Variants in WDPCP observed in about 807,000 individuals in gnomAD.
WDPCP encodes WD repeat containing planar cell polarity effector, also known as WD repeat-containing and planar cell polarity effector protein fritz homolog.
WDPCP carries 71 observed loss-of-function variants against 93.1 expected under a neutral mutation model. That is an observed-to-expected ratio of 0.76 (90% CI 0.63 to 0.93). The LOEUF is 0.93. WDPCP is among the 40% of genes least tolerant of loss of function. WDPCP has a pLI of 0.00. For missense variants in WDPCP, 844 were observed against 887.4 expected (o/e 0.95, Z 0.62); for synonymous variants, 315 against 315.0 (o/e 1.00, Z 0.00).
chr2:63,234,274 CT>C (rs755675974), intron 14 of WDPCP, among the ~76,000 whole-genome samples: 24 of 148,620 alleles, frequency 1.6e-4, no homozygotes, highest in Non-Finnish European at 2.9e-4. Flanking sequence ...TACCATCTAT[CT>C]TTTAGTGTTG....
intron 2 of WDPCP, among the ~76,000 whole-genome samples, chr2:63,721,971 T>G (rs1487569612): frequency 6.6e-6 from 1 of 152,126 alleles, no homozygotes; most frequent in Non-Finnish European, 1.5e-5. Flanking sequence ...CCGCAAGTGA[T>G]CCACCAGCCT....
intron 13 of WDPCP, among the ~76,000 whole-genome samples, chr2:63,286,150 C>T (rs1029205176): frequency 2.6e-5 from 4 of 152,030 alleles, no homozygotes; most frequent in African/African-American, 7.2e-5. Context: ...GGACTTCAGG[C>T]GCACACCACC....
intron 1 of WDPCP, among the ~76,000 whole-genome samples, chr2:63,818,437 G>T (rs1294276000): frequency 6.6e-6 from 1 of 152,162 alleles, no homozygotes; most frequent in African/African-American, 2.4e-5. Flanking sequence ...AAATTACTCT[G>T]CCAGCTGTCA....
chr2:63,327,923 T>C (rs1466280893), intron 12 of WDPCP, among the ~76,000 whole-genome samples: 3 of 152,134 alleles, frequency 2.0e-5, no homozygotes, highest in Non-Finnish European at 4.4e-5. Flanking sequence ...TCCACTGGCC[T>C]AAAGAGTTCC....
At position 63,302,601 on chromosome 2, in the gene WDPCP, G is replaced by A. The variant is rs188222811; in HGVS notation, c.1812+10647C>T. On this transcript the variant is annotated intron_variant, in intron 13 of 17. Coordinates refer to ENST00000272321, the MANE Select transcript of WDPCP (RefSeq NM_015910.7). Reference sequence around the variant, plus strand: ...AAGGGTAAAAATTTCTTACCAGTTGGGCTTTTGGCTTCTCTCTCCCTGTGC... The same window carrying A: ...AAGGGTAAAAATTTCTTACCAGTTGAGCTTTTGGCTTCTCTCTCCCTGTGC... Among the ~76,000 whole-genome samples, 17 of 152,282 alleles carry A rather than the reference G, an allele frequency of 1.1e-4. No individual in the cohort carries two copies. In the East Asian group the frequency reaches 3.3e-3, roughly 29 times the overall value.
intron 2 of WDPCP, among the ~76,000 whole-genome samples, chr2:63,703,136 G>A (rs971400644): frequency 2.6e-5 from 4 of 152,096 alleles, no homozygotes; most frequent in Non-Finnish European, 5.9e-5. Context: ...GGACATTTGG[G>A]TTGGTTCCAA....
chr2:63,523,214 C>G (rs1703070992), intron 1 of WDPCP, among the ~76,000 whole-genome samples: 2 of 152,140 alleles, frequency 1.3e-5, no homozygotes, highest in African/African-American at 4.8e-5. Context: ...ACCACATGAT[C>G]ATCTCAATAA....
chr2:63,404,210 T>A lies in WDPCP; in HGVS notation c.1273A>T (p.Thr425Ser). 1.2e-6 allele frequency: 2 copies of A among 1,613,774 alleles called. No individual in the cohort carries two copies. Among genetic ancestry groups the A allele is most frequent in the South Asian group, 2.2e-5 (2 of 91,024 alleles). Residue 425 changes from threonine to serine, a missense_variant, in exon 10 of 18, where the codon ACT becomes TCT. By Grantham distance (58) the Thr-to-Ser change is moderately conservative (BLOSUM62 1). Transcript: ENST00000272321. ...LLAEDRLPRE[T>S]LQFSKLFDAS... is the part of the protein sequence containing the mutation. Reference sequence around the variant, plus strand: ...TCAAATAATTTACTGAATTGCAGAGTCTCCCTGGGTAAGCGGTCTTCAGCC... The same window carrying A: ...TCAAATAATTTACTGAATTGCAGAGACTCCCTGGGTAAGCGGTCTTCAGCC...
At chr2:63,588,542 C>T, upstream of WDPCP, 3 of 585,244 alleles carry the variant, frequency 5.1e-6, no homozygotes, top group Non-Finnish European at 9.1e-6. Context: ...GTCGATCCAG[C>T]TTTACGCAGC....
At chr2:63,372,930 C>A (rs1691521064) in intron 12 of WDPCP, among the ~76,000 whole-genome samples, 1 of 152,178 alleles carries the variant, frequency 6.6e-6, no homozygotes, top group South Asian at 2.1e-4. Context: ...TTGAGACCAG[C>A]CTGACCAACA....
At chr2:63,593,870 A>C (rs1709250981) in intron 3 of WDPCP, among the ~76,000 whole-genome samples, 1 of 152,070 alleles carries the variant, frequency 6.6e-6, no homozygotes, top group African/African-American at 2.4e-5. Context: ...TATTTTGTTC[A>C]GGAACTGTTG....
intron 3 of WDPCP, among the ~76,000 whole-genome samples, chr2:63,633,214 G>T (rs1353195794): frequency 6.6e-6 from 1 of 152,146 alleles, no homozygotes; most frequent in Non-Finnish European, 1.5e-5. Context: ...TTCCATGTAA[G>T]AAATACTGAA....
intron 14 of WDPCP, among the ~76,000 whole-genome samples, chr2:63,234,034 C>G (rs920055699): frequency 3.9e-5 from 6 of 152,102 alleles, no homozygotes; most frequent in African/African-American, 1.4e-4. Flanking sequence ...ATAATTTTTA[C>G]TCATGGGTAA....
intron 14 of WDPCP, among the ~76,000 whole-genome samples, chr2:63,243,929 C>T (rs1680063415): frequency 6.6e-6 from 1 of 151,920 alleles, no homozygotes; most frequent in Non-Finnish European, 1.5e-5. Context: ...TTCTCATCTG[C>T]ACACACAACA....
chr2:63,524,562 G>T (rs1335934465), intron 1 of WDPCP, among the ~76,000 whole-genome samples: 1 of 152,182 alleles, frequency 6.6e-6, no homozygotes, highest in East Asian at 1.9e-4. Flanking sequence ...GCAGAAGATT[G>T]AAACTTGGCC....
chr2:63,240,493 C>T (rs1192521832), intron 14 of WDPCP, among the ~76,000 whole-genome samples: 2 of 152,086 alleles, frequency 1.3e-5, no homozygotes, highest in African/African-American at 2.4e-5. Flanking sequence ...TTAGTATATT[C>T]TTAGTTTGTA....
At chr2:63,339,142 A>G (rs1688661249) in intron 12 of WDPCP, among the ~76,000 whole-genome samples, 1 of 151,796 alleles carries the variant, frequency 6.6e-6, no homozygotes, top group Admixed American at 6.6e-5. Context: ...TGTAGCTATT[A>G]TAAATGGGAT....
At chr2:63,170,577 T>C (rs1204892161) in intron 15 of WDPCP, among the ~76,000 whole-genome samples, 7 of 152,178 alleles carry the variant, frequency 4.6e-5, no homozygotes, top group African/African-American at 1.7e-4. Context: ...CCTCATTTTG[T>C]CTTTATAATT....
At chr2:63,594,959 C>G (rs528592474) in intron 3 of WDPCP, 1 of 248,358 alleles carries the variant, frequency 4.0e-6, no homozygotes, top group Admixed American at 5.1e-5. Flanking sequence ...TCTGCTTCCC[C>G]GCTGAAGCAG....
Sources: allele counts gnomAD v4.1 joint callset (sites outside exome capture counted in the v4.1 genomes callset), GRCh38; gene constraint gnomAD v4.1.1; transcripts MANE v1.5; gene names NCBI Gene and HGNC (gene_info 2026-07-23, HGNC 2026-07-21).